Variants in CRLS1 observed in about 807,000 individuals in gnomAD.
The protein encoded by CRLS1 is cardiolipin synthase (CMP-forming).
In CRLS1, 24 loss-of-function variants were observed where a neutral mutation model predicts 37.0. That is an observed-to-expected ratio of 0.65 (90% CI 0.47 to 0.91). The LOEUF (loss-of-function observed/expected upper bound fraction) is 0.91, where lower values mean the gene tolerates loss of function less well. CRLS1 is among the 40% of genes least tolerant of loss of function. The pLI is 0.00. For synonymous variants in CRLS1, 135 were observed against 159.7 expected (o/e 0.85, Z 1.17); for missense variants, 373 against 395.8 (o/e 0.94, Z 0.49).
In CRLS1 at chr20:6,039,770, CAG is replaced by C. The variant is rs1216703503; in HGVS notation, c.*2620_*2621del. The C allele has an allele frequency of 1.4e-5, 2 of 147,164 alleles. No homozygotes were observed. The highest frequency in any genetic ancestry group is 3.0e-5 in the Non-Finnish European group (2 of 67,310). The allele number at this position is 147,164 out of a possible 1,614,324, so 9.1% of individuals were successfully genotyped here. On this transcript the variant is annotated 3_prime_UTR_variant, in exon 7 of 7. Transcript: ENST00000378863. ...AAAAAAAAAAAAAAGGAAATGTGAA[CAG>C]AGAGAGAATGCCGTGAGATGATGGA...
chr20:6,010,779 A>G (rs866278982), intron 2 of CRLS1, among the ~76,000 whole-genome samples: 1 of 152,222 alleles, frequency 6.6e-6, no homozygotes, highest in African/African-American at 2.4e-5. Flanking sequence ...AGTGGCTTAC[A>G]CTTGTAATTC....
chr20:6,039,722 C>T lies in CRLS1; in HGVS notation c.*2564C>T, dbSNP rs2123045508. The T allele has an allele frequency of 7.0e-6, 1 of 142,404 alleles. No homozygotes were observed. The highest frequency in any genetic ancestry group is 1.5e-5 in the Non-Finnish European group (1 of 66,434). The allele number at this position is 142,404 out of a possible 1,614,324, so 8.8% of individuals were successfully genotyped here. ...AGATCATACTGGATTACAGTGGGCC[C>T]CAATAACTAGGTTTTTTTGTTAAAA... On this transcript the variant is annotated 3_prime_UTR_variant, in exon 7 of 7. Coordinates refer to ENST00000378863, the MANE Select transcript of CRLS1 (RefSeq NM_019095.6).
intron 1 of CRLS1, chr20:6,006,907 T>C (rs957055943): frequency 1.2e-6 from 1 of 807,424 alleles, no homozygotes. Flanking sequence ...TTAGGGCAAG[T>C]CTTTGGGAAT....
At chr20:6,033,803 C>G (rs1240298439) in intron 5 of CRLS1, among the ~76,000 whole-genome samples, 4 of 152,168 alleles carry the variant, frequency 2.6e-5, no homozygotes, top group Non-Finnish European at 4.4e-5. Flanking sequence ...CCTCAGCCCC[C>G]CAAGTAGCTG....
Position 6,027,287 on chromosome 20 carries a change from G to A in CRLS1, c.575-3998G>A, listed in dbSNP as rs1024824953. On this transcript the variant is annotated intron_variant, in intron 3 of 6. Transcript: ENST00000378863. ...TTTAGTAGAGACAGGGTTTTACCAT[G>A]TTGACCAGGCTGGTCTCGAACTCCT... is the stretch of plus-strand genomic sequence containing the variant. 2.0e-5 allele frequency among the ~76,000 whole-genome samples: 3 copies of A among 152,062 alleles called. No individual in the cohort carries two copies. In the South Asian group the frequency reaches 6.2e-4, roughly 32 times the overall value.
intron 3 of CRLS1, chr20:6,026,331 G>GTT (rs1461365208): frequency 1.4e-5 from 2 of 145,128 alleles, no homozygotes; most frequent in Non-Finnish European, 3.0e-5. Context: ...GTGTGTGTGT[G>GTT]TGTGTGTGTG....
At chr20:6,027,622 C>T (rs1330300261) in intron 3 of CRLS1, among the ~76,000 whole-genome samples, 3 of 151,938 alleles carry the variant, frequency 2.0e-5, no homozygotes, top group East Asian at 3.9e-4. Context: ...GCCATGTTGG[C>T]CAGGCTGGTC....
intron 2 of CRLS1, among the ~76,000 whole-genome samples, chr20:6,014,412 T>C (rs1265064466): frequency 6.6e-6 from 1 of 152,258 alleles, no homozygotes; most frequent in South Asian, 2.1e-4. Flanking sequence ...TTCTTTAAAA[T>C]GAACCATGAT....
chr20:6,035,708 A>C (rs1980494321), intron 6 of CRLS1, among the ~76,000 whole-genome samples: 1 of 152,130 alleles, frequency 6.6e-6, no homozygotes. Context: ...TGTAACCTTG[A>C]ATTCCTGGCC....
At chr20:6,037,018 T>C (rs1600396059) in intron 6 of CRLS1, 56 bp from the exon 7 acceptor site, 3 of 1,210,400 alleles carry the variant, frequency 2.5e-6, no homozygotes, top group Non-Finnish European at 3.6e-6. Context: ...ATGATTCCCG[T>C]TGCTACTATT....
At chr20:6,031,092 C>G in intron 3 of CRLS1, 193 bp from the exon 4 acceptor site, 1 of 442,658 alleles carries the variant, frequency 2.3e-6, no homozygotes, top group Non-Finnish European at 4.0e-6. Flanking sequence ...GTTTTGAGGG[C>G]GGGTTAAAGA....
chr20:6,006,389 G>A lies in CRLS1; in HGVS notation c.143G>A (p.Arg48His), dbSNP rs2090054980. The change falls in exon 1 of 7, where the codon CGC becomes CAC. Residue 48 changes from arginine to histidine, a missense_variant. Arg to His is a conservative substitution (Grantham distance 29, BLOSUM62 0). Transcript: ENST00000378863. ...VPCCLGCLAERWRLRPAALGL... is the reference protein window; with the variant it reads ...VPCCLGCLAEHWRLRPAALGL... ...TGCTGCTTGGGCTGCCTGGCCGAAC[G>A]CTGGAGGCTGCGTCCGGCCGCTCTT... The A allele has an allele frequency of 1.4e-6, 2 of 1,406,486 alleles. No homozygotes were observed. The highest frequency in any genetic ancestry group is 1.9e-6 in the Non-Finnish European group (2 of 1,078,430). 87.1% of individuals were successfully genotyped at this position (1,406,486 alleles called of 1,614,324 possible).
At position 6,015,502 on chromosome 20, in the gene CRLS1, T is replaced by C; in HGVS notation, c.574+12T>C. ...AGATCTTATTCCAGGTAAGAACGCG[T>C]CATGCGTACTTTTGAATAGCACAGG... On this transcript the variant is annotated intron_variant, in intron 3 of 6. Transcript: ENST00000378863. The C allele has an allele frequency of 6.2e-7, 1 of 1,612,196 alleles. No homozygotes were observed. The highest frequency in any genetic ancestry group is 8.5e-7 in the Non-Finnish European group (1 of 1,178,522).
At chr20:6,029,772 G>C (rs1980006740) in intron 3 of CRLS1, among the ~76,000 whole-genome samples, 1 of 152,200 alleles carries the variant, frequency 6.6e-6, no homozygotes, top group Admixed American at 6.5e-5. Context: ...CTGTTTTCAT[G>C]CTTGGCTCAT....
intron 3 of CRLS1, among the ~76,000 whole-genome samples, chr20:6,016,241 A>G (rs8123221): frequency 0.084 from 12,860 of 152,222 alleles, 863 homozygotes; most frequent in African/African-American, 0.19. Flanking sequence ...AAGCTGCCAC[A>G]TGGTCCCTCG....
intron 3 of CRLS1, among the ~76,000 whole-genome samples, chr20:6,017,894 C>T (rs549933979): frequency 1.3e-4 from 20 of 152,170 alleles, no homozygotes; most frequent in African/African-American, 4.8e-4. Context: ...CATGATAGTT[C>T]TTGGTGCTTT....
At chr20:6,033,702 G>A (rs746909196) in intron 5 of CRLS1, among the ~76,000 whole-genome samples, 1 of 152,038 alleles carries the variant, frequency 6.6e-6, no homozygotes, top group South Asian at 2.1e-4. Context: ...TCTTTGAAAC[G>A]GGGTCTTGCG....
intron 3 of CRLS1, among the ~76,000 whole-genome samples, chr20:6,019,487 T>A (rs1979040426): frequency 6.8e-6 from 1 of 147,126 alleles, no homozygotes; most frequent in Admixed American, 6.7e-5. Context: ...AATGTCCTCC[T>A]TTTCCTCTTG....
In CRLS1 at chr20:6,022,279, T is replaced by TATAC. The variant is rs1466132299; in HGVS notation, c.574+6789_574+6790insATAC. 2.6e-5 allele frequency among the ~76,000 whole-genome samples: 4 copies of TATAC among 152,116 alleles called. No homozygotes were observed. The East Asian group carries it at 7.7e-4, about 29-fold the overall frequency. ...AGTTTTTCTTAGCATGTTTAAGGTA[T>TATAC]TGCTCAGTCATCTTCTTCCATTGTT... On this transcript the variant is annotated intron_variant, in intron 3 of 6. Coordinates refer to ENST00000378863, the MANE Select transcript of CRLS1 (RefSeq NM_019095.6).
Sources: allele counts gnomAD v4.1 joint callset (sites outside exome capture counted in the v4.1 genomes callset), GRCh38; gene constraint gnomAD v4.1.1; transcripts MANE v1.5; gene names NCBI Gene and HGNC (gene_info 2026-07-23, HGNC 2026-07-21).